Variants in CTNND2 observed in about 807,000 individuals in gnomAD.
CTNND2 encodes catenin delta 2, also known as catenin delta-2.
A neutral mutation model predicts 144.4 loss-of-function variants in CTNND2; 22 were observed. That is an observed-to-expected ratio of 0.15 (90% CI 0.11 to 0.22). CTNND2 has a LOEUF of 0.22. Ranked by LOEUF, CTNND2 falls within the 10% of genes least tolerant of loss-of-function variation. The pLI, the probability that CTNND2 is intolerant of heterozygous loss-of-function variation, is 1.00. For missense variants in CTNND2, 1,353 were observed against 1,618.8 expected (o/e 0.84, Z 2.82); for synonymous variants, 751 against 695.6 (o/e 1.08, Z -1.25).
intron 3 of CTNND2, among the ~76,000 whole-genome samples, chr5:11,537,077 T>C (rs1354036632): frequency 1.3e-5 from 2 of 151,740 alleles, no homozygotes; most frequent in Non-Finnish European, 1.5e-5. Flanking sequence ...CAGCAATTAG[T>C]CTCTAGTAAC....
At chr5:11,616,594 C>G (rs1014708430) in intron 2 of CTNND2, among the ~76,000 whole-genome samples, 6 of 151,004 alleles carry the variant, frequency 4.0e-5, no homozygotes, top group Admixed American at 4.0e-4. Flanking sequence ...CCCCTTCCTT[C>G]CTTCCTTCCT....
intron 1 of CTNND2, among the ~76,000 whole-genome samples, chr5:11,856,843 G>T (rs913275743): frequency 6.6e-6 from 1 of 152,066 alleles, no homozygotes; most frequent in African/African-American, 2.4e-5. Flanking sequence ...CCTGGCACAA[G>T]AAATAAAAAC....
chr5:11,300,536 G>A (rs926301996), intron 9 of CTNND2, among the ~76,000 whole-genome samples: 9 of 151,936 alleles, frequency 5.9e-5, no homozygotes, highest in African/African-American at 1.2e-4. Context: ...CTACAGATCC[G>A]AAGTCCTTCC....
At chr5:11,820,998 C>T (rs141190676) in intron 1 of CTNND2, among the ~76,000 whole-genome samples, 135 of 152,292 alleles carry the variant, frequency 8.9e-4, no homozygotes, top group African/African-American at 3.2e-3. Context: ...CCATGGTATT[C>T]TCTGATGATG....
intron 1 of CTNND2, among the ~76,000 whole-genome samples, chr5:11,878,631 G>C (rs923094453): frequency 2.6e-5 from 4 of 152,216 alleles, no homozygotes; most frequent in Non-Finnish European, 5.9e-5. Flanking sequence ...GAAGTTTGCA[G>C]TGTAAGATCC....
chr5:10,988,166 G>A lies in CTNND2; in HGVS notation c.3288C>T (p.Asn1096=), dbSNP rs759554080. Residue 1096 remains asparagine (N), a synonymous_variant, in exon 20 of 22, where the codon AAC becomes AAT. Coordinates refer to ENST00000304623, the MANE Select transcript of CTNND2 (RefSeq NM_001332.4). The surrounding 1 kb of genome is among the most constrained non-coding windows in gnomAD (Gnocchi z 5.9). ...CGCCTTTAGCTCCGTGGTAGGTGGC[G>A]TTGCTGCCGGTGCACTCGTAGTCTG... ...RKTDYECTGS[N]ATYHGAKGEH... is the part of the protein sequence containing the mutation. 35 of 1,614,072 alleles carry A rather than the reference G, an allele frequency of 2.2e-5. No homozygotes were observed. Among genetic ancestry groups the A allele is most frequent in the Admixed American group, 3.3e-5 (2 of 60,012 alleles).
intron 1 of CTNND2, among the ~76,000 whole-genome samples, chr5:11,805,357 G>C (rs1215823875): frequency 6.6e-6 from 1 of 151,974 alleles, no homozygotes; most frequent in African/African-American, 2.4e-5. Context: ...TAAAAACAAG[G>C]ACACTCCACT....
chr5:11,302,202 A>G (rs1372837842), intron 9 of CTNND2, among the ~76,000 whole-genome samples: 5 of 152,128 alleles, frequency 3.3e-5, no homozygotes, highest in African/African-American at 1.2e-4. Flanking sequence ...CAGTACTGAG[A>G]GGAAGGAAAG....
chr5:11,066,322 G>A (rs546449836), intron 16 of CTNND2, among the ~76,000 whole-genome samples: 38 of 152,332 alleles, frequency 2.5e-4, no homozygotes, highest in South Asian at 1.0e-3. Context: ...ACAGGCATGC[G>A]CCACCGCGCC....
At position 11,172,332 on chromosome 5, in the gene CTNND2, G is replaced by A. The variant is rs370114213; in HGVS notation, c.1976-12573C>T. On this transcript the variant is annotated intron_variant, in intron 11 of 21. Coordinates refer to ENST00000304623, the MANE Select transcript of CTNND2 (RefSeq NM_001332.4). ...AAAAAAAACTCTAAGTTATGACTAT[G>A]GGAAAGTGACTACTGAGTTTCATAT... is the stretch of plus-strand genomic sequence containing the variant. Among the ~76,000 whole-genome samples the A allele has an allele frequency of 5.9e-5, 9 of 152,256 alleles. No homozygotes were observed. In the East Asian group the frequency reaches 1.2e-3, roughly 20 times the overall value.
chr5:11,185,590 C>A (rs143598155), intron 11 of CTNND2, among the ~76,000 whole-genome samples: 97 of 152,298 alleles, frequency 6.4e-4, no homozygotes, highest in African/African-American at 2.1e-3. Flanking sequence ...ATGATGGCAA[C>A]GACAACAGCC....
intron 9 of CTNND2, among the ~76,000 whole-genome samples, chr5:11,265,321 C>T (rs1745326562): frequency 6.6e-6 from 1 of 152,122 alleles, no homozygotes; most frequent in African/African-American, 2.4e-5. Context: ...TCAGTGAAAG[C>T]TTGATGTACA....
At chr5:11,345,904 A>G (rs1189623007) in intron 9 of CTNND2, among the ~76,000 whole-genome samples, 1 of 152,218 alleles carries the variant, frequency 6.6e-6, no homozygotes, top group Non-Finnish European at 1.5e-5. Context: ...ATTTTCAGAC[A>G]TAGAGAAATG....
intron 2 of CTNND2, 104 bp from the exon 3 acceptor site, chr5:11,565,160 GATGTCAAATTTGAGAA>G: frequency 7.7e-6 from 6 of 782,322 alleles, no homozygotes; most frequent in Non-Finnish European, 1.3e-5. Context: ...GATTTTCCAA[GATGTCAAATTTGAGAA>G]ATGTGCAATA....
chr5:11,207,239 GGTGTGGGGC>G (rs1226264274), intron 10 of CTNND2, among the ~76,000 whole-genome samples: 1 of 152,046 alleles, frequency 6.6e-6, no homozygotes, highest in Non-Finnish European at 1.5e-5. Flanking sequence ...CCTGTTGGGG[GGTGTGGGGC>G]TTGCGGAGGG....
At chr5:11,229,645 CGTGTGT>C (rs34293828) in intron 10 of CTNND2, among the ~76,000 whole-genome samples, 37 of 143,488 alleles carry the variant, frequency 2.6e-4, no homozygotes, top group African/African-American at 7.2e-4. Flanking sequence ...AGCCATATTG[CGTGTGT>C]GTGTGTGTGT....
At chr5:11,168,765 A>G (rs370952554) in intron 11 of CTNND2, among the ~76,000 whole-genome samples, 1 of 152,186 alleles carries the variant, frequency 6.6e-6, no homozygotes, top group African/African-American at 2.4e-5. Flanking sequence ...CATACATTAA[A>G]TAAAGTAACT....
At chr5:11,883,794 A>C (rs13174045) in intron 1 of CTNND2, among the ~76,000 whole-genome samples, 39,788 of 152,022 alleles carry the variant, frequency 0.26, 5,304 homozygotes, top group Middle Eastern at 0.29. Context: ...TACACTCCCA[A>C]CAACAGTGTA....
chr5:11,275,000 A>G (rs1746382857), intron 9 of CTNND2, among the ~76,000 whole-genome samples: 1 of 152,206 alleles, frequency 6.6e-6, no homozygotes, highest in Admixed American at 6.5e-5. Flanking sequence ...TGTTACTAAC[A>G]TAATTACGGG....
Sources: gnomAD v4.1 joint callset for allele counts (sites outside exome capture counted in the v4.1 genomes callset) on GRCh38, gnomAD v4.1.1 for gene constraint, Gnocchi (gnomAD v3.1) non-coding constraint, MANE v1.5 for transcripts, NCBI Gene and HGNC (gene_info 2026-07-23, HGNC 2026-07-21) for gene names.